The following CDYL2 variants were observed in gnomAD, a reference collection of about 807,000 sequenced individuals.
The protein encoded by CDYL2 is chromodomain Y like 2.
Under a neutral mutation model 49.4 loss-of-function variants are expected in CDYL2, and 23 were observed. The ratio of observed to expected loss-of-function variants is 0.47; its 90% CI spans 0.34 to 0.66. CDYL2 has a LOEUF of 0.66. Among genes scored for constraint, CDYL2 ranks in the 30% least tolerant of loss-of-function variants. The probability of loss-of-function intolerance (pLI) is 0.01; values close to 1 mark genes in which losing one functional copy is unlikely to be tolerated. For missense variants in CDYL2, 678 were observed against 656.4 expected (o/e 1.03, Z -0.36); for synonymous variants, 360 against 268.8 (o/e 1.34, Z -3.32).
At chr16:80,746,341 T>C (rs1196514919) in intron 1 of CDYL2, among the ~76,000 whole-genome samples, 2 of 152,076 alleles carry the variant, frequency 1.3e-5, no homozygotes, top group South Asian at 2.1e-4. Flanking sequence ...CGCTATGAAT[T>C]CAGTAGTGAA....
chr16:80,750,501 C>A (rs568650581), intron 1 of CDYL2, among the ~76,000 whole-genome samples: 1 of 150,602 alleles, frequency 6.6e-6, no homozygotes, highest in East Asian at 1.9e-4. Context: ...AGGCTATAAA[C>A]ACAAAGAGAT....
intron 6 of CDYL2, among the ~76,000 whole-genome samples, chr16:80,605,743 T>C (rs2060860): frequency 0.28 from 42,271 of 151,976 alleles, 6,090 homozygotes; most frequent in Middle Eastern, 0.4. Context: ...ATTGTAGTAA[T>C]ATTTGTAATA....
intron 1 of CDYL2, among the ~76,000 whole-genome samples, chr16:80,762,103 T>C (rs552800904): frequency 2.7e-4 from 41 of 152,106 alleles, no homozygotes; most frequent in African/African-American, 9.4e-4. Flanking sequence ...GGAGGATCAC[T>C]TGAGCCCAGG....
chr16:80,695,119 G>C (rs1910568681), intron 1 of CDYL2, among the ~76,000 whole-genome samples: 1 of 152,222 alleles, frequency 6.6e-6, no homozygotes, highest in Non-Finnish European at 1.5e-5. Context: ...GCCAAATCTG[G>C]CCAGATGTTT....
intron 2 of CDYL2, chr16:80,671,041 T>C (rs1909481803): frequency 1.3e-5 from 6 of 455,458 alleles, no homozygotes; most frequent in South Asian, 9.3e-5. Flanking sequence ...CTTTCCTCTA[T>C]GGCATCCCTG....
chr16:80,771,855 A>T (rs1906916299), intron 1 of CDYL2, among the ~76,000 whole-genome samples: 3 of 152,214 alleles, frequency 2.0e-5, no homozygotes, highest in Admixed American at 2.0e-4. Context: ...CAGATTTAAA[A>T]ATTAGTGGAT....
chr16:80,714,036 T>C (rs1904711300), intron 1 of CDYL2, among the ~76,000 whole-genome samples: 1 of 152,172 alleles, frequency 6.6e-6, no homozygotes, highest in Non-Finnish European at 1.5e-5. Context: ...CATTCCCACG[T>C]TGCCTATCTA....
At chr16:80,663,982 T>A (rs899258794) in intron 2 of CDYL2, among the ~76,000 whole-genome samples, 1 of 152,228 alleles carries the variant, frequency 6.6e-6, no homozygotes, top group African/African-American at 2.4e-5. Flanking sequence ...AATCAAATCA[T>A]GTCTCCTGCA....
chr16:80,652,505 G>C, intron 2 of CDYL2, among the ~76,000 whole-genome samples: 1 of 152,224 alleles, frequency 6.6e-6, no homozygotes, highest in East Asian at 1.9e-4. Flanking sequence ...ATTCCCGATA[G>C]TTTGTGTAAA....
At chr16:80,762,583 G>A (rs770097846) in intron 1 of CDYL2, among the ~76,000 whole-genome samples, 21 of 152,178 alleles carry the variant, frequency 1.4e-4, no homozygotes, top group Admixed American at 2.6e-4. Context: ...TGGTGCCAGA[G>A]AAAACTACAC....
chr16:80,688,832 T>C (rs1910301589), intron 1 of CDYL2, among the ~76,000 whole-genome samples: 1 of 152,120 alleles, frequency 6.6e-6, no homozygotes, highest in Non-Finnish European at 1.5e-5. Context: ...TGCAACATTC[T>C]CTCTCTGGGA....
At chr16:80,803,661 G>GC (rs1339058308) in intron 1 of CDYL2, among the ~76,000 whole-genome samples, 1 of 92,186 alleles carries the variant, frequency 1.1e-5, no homozygotes, top group South Asian at 3.8e-4. Context: ...CCGATCGCCC[G>GC]CCCCCCTCCT....
rs1444671315 is a variant in CDYL2 at position 80,612,733 on chromosome 16, C to A, written c.1111G>T (p.Val371Leu). 2 of 1,613,580 alleles carry A rather than the reference C, an allele frequency of 1.2e-6. No homozygotes were observed. The highest frequency in any genetic ancestry group is 1.7e-6 in the Non-Finnish European group (2 of 1,179,994). Residue 371 changes from valine (V) to leucine (L), a missense_variant, in exon 5 of 7, where the codon GTG becomes TTG. Coordinates refer to ENST00000570137, the MANE Select transcript of CDYL2 (RefSeq NM_152342.4). This position sits in a 1 kb window ranked among gnomAD's most constrained non-coding sequence, Gnocchi z 5.0. ...GASILPLCDIVWASEKAWFQT... is the reference protein window; with the variant it reads ...GASILPLCDILWASEKAWFQT... ...AACCAGGCCTTCTCACTGGCCCACA[C>A]GATGTCACAGAGGGGCAGGATGGAG...
At chr16:80,713,233 A>G (rs1904680830) in intron 1 of CDYL2, among the ~76,000 whole-genome samples, 1 of 152,230 alleles carries the variant, frequency 6.6e-6, no homozygotes, top group Non-Finnish European at 1.5e-5. Flanking sequence ...GTGGCTGGAA[A>G]GATAAATGCA....
At chr16:80,803,010 T>C (rs1907973089) in intron 1 of CDYL2, among the ~76,000 whole-genome samples, 1 of 152,224 alleles carries the variant, frequency 6.6e-6, no homozygotes, top group Non-Finnish European at 1.5e-5. Flanking sequence ...CCCATGCGGC[T>C]GGTTTCACGG....
chr16:80,780,154 G>T (rs1233734560), intron 1 of CDYL2, among the ~76,000 whole-genome samples: 1 of 152,050 alleles, frequency 6.6e-6, no homozygotes, highest in Non-Finnish European at 1.5e-5. Context: ...AGCCTTGCAT[G>T]CAGAACAGCA....
chr16:80,775,949 T>A (rs1477822682), intron 1 of CDYL2, among the ~76,000 whole-genome samples: 2 of 151,830 alleles, frequency 1.3e-5, no homozygotes, highest in African/African-American at 4.8e-5. Flanking sequence ...TGGTCATACA[T>A]TATTAGGTCA....
intron 2 of CDYL2, among the ~76,000 whole-genome samples, chr16:80,680,656 CTA>C (rs1259232436): frequency 6.6e-6 from 1 of 152,178 alleles, no homozygotes; most frequent in African/African-American, 2.4e-5. Context: ...GGCAGAGAAA[CTA>C]TGACAGGTTT....
intron 2 of CDYL2, among the ~76,000 whole-genome samples, chr16:80,635,467 C>T (rs138055937): frequency 0.046 from 7,013 of 152,160 alleles, 463 homozygotes; most frequent in African/African-American, 0.15. Flanking sequence ...TTCACAATTG[C>T]TACAAAGAGA....
Sources: allele counts gnomAD v4.1 joint callset (sites outside exome capture counted in the v4.1 genomes callset), GRCh38; gene constraint gnomAD v4.1.1; non-coding constraint Gnocchi (gnomAD v3.1); transcripts MANE v1.5; gene names NCBI Gene and HGNC (gene_info 2026-07-23, HGNC 2026-07-21).